The following CCBE1 variants were observed in gnomAD, a reference collection of about 807,000 sequenced individuals.
CCBE1 encodes collagen and calcium-binding EGF domain-containing protein 1.
In CCBE1, 37 loss-of-function variants were observed where a neutral mutation model predicts 50.0. That is an observed-to-expected ratio of 0.74 (90% CI 0.57 to 0.97). The LOEUF is 0.97. CCBE1 is among the 50% of genes least tolerant of loss of function. The probability of loss-of-function intolerance (pLI) is 0.00; values close to 1 mark genes in which losing one functional copy is unlikely to be tolerated. For missense variants in CCBE1, 538 were observed against 523.8 expected, an observed-to-expected ratio of 1.03 and a Z score of -0.26; for synonymous variants, 234 against 203.7, an observed-to-expected ratio of 1.15 and a Z score of -1.27.
chr18:59,590,268 A>T (rs1031619058), intron 2 of CCBE1, among the ~76,000 whole-genome samples: 17 of 152,218 alleles, frequency 1.1e-4, no homozygotes, highest in African/African-American at 3.9e-4. Context: ...CCACAGCAAA[A>T]AATTTAGTAA....
chr18:59,634,494 C>G (rs910060708), intron 2 of CCBE1, among the ~76,000 whole-genome samples: 7 of 152,186 alleles, frequency 4.6e-5, no homozygotes, highest in Non-Finnish European at 8.8e-5. Flanking sequence ...AAGCCAGGGC[C>G]TTTTGGACTG....
At chr18:59,450,634 A>T (rs7231575) in intron 6 of CCBE1, among the ~76,000 whole-genome samples, 7 of 152,078 alleles carry the variant, frequency 4.6e-5, no homozygotes, top group Admixed American at 4.6e-4. Context: ...CCCAGGTTCA[A>T]GTGATTCTCC....
chr18:59,502,756 C>T (rs1913684227), intron 2 of CCBE1, among the ~76,000 whole-genome samples: 1 of 152,104 alleles, frequency 6.6e-6, no homozygotes, highest in Admixed American at 6.5e-5. Context: ...CAAAGCATGT[C>T]AGAGCGGAGC....
chr18:59,439,457 A>C (rs1237090705), intron 9 of CCBE1, 86 bp downstream of exon 9: 1 of 1,502,994 alleles, frequency 6.7e-7, no homozygotes, highest in African/African-American at 1.4e-5. Context: ...ACAGAGCAAG[A>C]CCATCTCAAA....
chr18:59,629,192 G>A (rs2053822972), intron 2 of CCBE1, among the ~76,000 whole-genome samples: 1 of 152,112 alleles, frequency 6.6e-6, no homozygotes, highest in Admixed American at 6.5e-5. Flanking sequence ...GTGAGTCTCA[G>A]GTTTCTTCCC....
chr18:59,667,464 G>C (rs1234007084), intron 2 of CCBE1, among the ~76,000 whole-genome samples: 1 of 152,156 alleles, frequency 6.6e-6, no homozygotes, highest in East Asian at 1.9e-4. Flanking sequence ...TGAGGGGCTG[G>C]CAACAGCAGG....
At chr18:59,555,533 G>A (rs2000888) in intron 2 of CCBE1, among the ~76,000 whole-genome samples, 16,658 of 152,212 alleles carry the variant, frequency 0.11, 1,173 homozygotes, top group East Asian at 0.34. Context: ...AGAAAGCCAT[G>A]CAGTTTCCTT....
At chr18:59,561,218 C>T (rs1469488) in intron 2 of CCBE1, among the ~76,000 whole-genome samples, 13,276 of 152,264 alleles carry the variant, frequency 0.087, 1,110 homozygotes, top group East Asian at 0.4. Context: ...ATGTAATGGG[C>T]CTGTGTACCC....
intron 2 of CCBE1, among the ~76,000 whole-genome samples, chr18:59,667,450 G>A (rs1219016208): frequency 6.6e-6 from 1 of 152,150 alleles, no homozygotes; most frequent in African/African-American, 2.4e-5. Flanking sequence ...AGGACATGAA[G>A]CACTGAGGGG....
Position 59,472,633 on chromosome 18 carries a change from C to T in CCBE1, c.266-3026G>A, listed in dbSNP as rs377580554. 2.5e-4 allele frequency among the ~76,000 whole-genome samples: 38 copies of T among 152,292 alleles called. 1 individual carries two copies. Among genetic ancestry groups the T allele is most frequent in the African/African-American group, 7.7e-4 (32 of 41,556 alleles). On this transcript the variant is annotated intron_variant, in intron 3 of 10. Transcript: ENST00000439986. ...CAAAGCGCTGGGATTACCAGCACCG[C>T]GCCCAGCCTACAGCTGCCTCCATGA...
intron 2 of CCBE1, among the ~76,000 whole-genome samples, chr18:59,610,012 C>T (rs1271822966): frequency 6.6e-6 from 1 of 152,146 alleles, no homozygotes; most frequent in Non-Finnish European, 1.5e-5. Flanking sequence ...GGATGTAGCA[C>T]ACAAACCTAA....
rs192732861 is a variant in CCBE1, at chr18:59,532,790, G to A, written c.213-52552C>T. On this transcript the variant is annotated intron_variant, in intron 2 of 10. Coordinates refer to ENST00000439986, the MANE Select transcript of CCBE1 (RefSeq NM_133459.4). ...GTCACTTTGGAATTCAAAATACGGA[G>A]ATTTCAAATTAATCTTTCCTCCTGA... Among the ~76,000 whole-genome samples, 89 of 152,302 alleles carry A rather than the reference G, an allele frequency of 5.8e-4. 1 individual carries two copies. The highest frequency in any genetic ancestry group is 3.4e-3 in the Middle Eastern group (1 of 294).
At chr18:59,543,089 G>A (rs539509075) in intron 2 of CCBE1, among the ~76,000 whole-genome samples, 10 of 152,296 alleles carry the variant, frequency 6.6e-5, no homozygotes, top group Admixed American at 4.6e-4. Context: ...GGAAGCCTTG[G>A]ATTGCTCTAG....
rs77485514 is a variant in CCBE1, at chr18:59,521,361, G to A, written c.213-41123C>T. ...GGTTCTTGGTTGTGGTGACAATAAA[G>A]AAATGTATCCATGAGTTACGTGGAT... is the stretch of plus-strand genomic sequence containing the variant. On this transcript the variant is annotated intron_variant, in intron 2 of 10. Transcript: ENST00000439986. 5.6e-3 allele frequency among the ~76,000 whole-genome samples: 846 copies of A among 152,336 alleles called. 6 individuals carry two copies. The highest frequency in any genetic ancestry group is 0.019 in the African/African-American group (779 of 41,580).
intron 2 of CCBE1, among the ~76,000 whole-genome samples, chr18:59,636,501 A>G (rs1229327308): frequency 3.3e-5 from 5 of 152,254 alleles, no homozygotes. Flanking sequence ...GTTCCAAGGA[A>G]TTCACACATA....
intron 2 of CCBE1, among the ~76,000 whole-genome samples, chr18:59,633,953 T>C (rs918831064): frequency 1.3e-5 from 2 of 151,988 alleles, no homozygotes; most frequent in African/African-American, 4.8e-5. Flanking sequence ...ACATGGCCAA[T>C]ATGGGAACTA....
intron 9 of CCBE1, 140 bp downstream of exon 9, chr18:59,439,403 G>T: frequency 9.8e-7 from 1 of 1,021,174 alleles, no homozygotes; most frequent in Non-Finnish European, 1.5e-6. Flanking sequence ...AGAGGCAGAG[G>T]CTGTAATGAG....
chr18:59,673,689 A>G (rs1473496799), intron 2 of CCBE1, among the ~76,000 whole-genome samples: 1 of 152,150 alleles, frequency 6.6e-6, no homozygotes, highest in African/African-American at 2.4e-5. Flanking sequence ...TTCTGCATCT[A>G]TTGAGATAAT....
chr18:59,578,886 C>T (rs959996919), intron 2 of CCBE1, among the ~76,000 whole-genome samples: 2 of 152,092 alleles, frequency 1.3e-5, no homozygotes, highest in South Asian at 2.1e-4. Flanking sequence ...CACCATGGCA[C>T]GAGTTTACCT....
Sources: allele counts gnomAD v4.1 joint callset (sites outside exome capture counted in the v4.1 genomes callset), GRCh38; gene constraint gnomAD v4.1.1; transcripts MANE v1.5; gene names NCBI Gene and HGNC (gene_info 2026-07-23, HGNC 2026-07-21).